CUL3: variants seen among roughly 807,000 people sequenced by gnomAD.
CUL3 encodes cullin 3.
Under a neutral mutation model 89.1 loss-of-function variants are expected in CUL3, and 19 were observed. That is an observed-to-expected ratio of 0.21 (90% CI 0.15 to 0.31). The LOEUF (loss-of-function observed/expected upper bound fraction) is 0.31, where lower values mean the gene tolerates loss of function less well. Among genes scored for constraint, CUL3 ranks in the 10% least tolerant of loss-of-function variants. CUL3 has a pLI of 1.00. For synonymous variants in CUL3, 351 were observed against 308.4 expected (o/e 1.14, Z -1.45); for missense variants, 469 against 942.3 (o/e 0.50, Z 6.58).
At chr2:224,580,505 G>A (rs888733157) in intron 1 of CUL3, among the ~76,000 whole-genome samples, 8 of 152,126 alleles carry the variant, frequency 5.3e-5, no homozygotes, top group Non-Finnish European at 1.0e-4. Context: ...CCAACATGGC[G>A]AAACCCCATC....
intron 1 of CUL3, among the ~76,000 whole-genome samples, chr2:224,577,391 AC>A (rs1695326537): frequency 6.6e-6 from 1 of 151,982 alleles, no homozygotes. Flanking sequence ...ACACGGTGAA[AC>A]CCCGTCTCTA....
chr2:224,536,697 TAA>T (rs1043802643), intron 2 of CUL3, among the ~76,000 whole-genome samples: 4 of 152,142 alleles, frequency 2.6e-5, no homozygotes, highest in Non-Finnish European at 5.9e-5. Flanking sequence ...CCAACCCTAA[TAA>T]AAGACTATTC....
chr2:224,528,433 T>C (rs547206105), intron 3 of CUL3, among the ~76,000 whole-genome samples: 1 of 152,322 alleles, frequency 6.6e-6, no homozygotes, highest in South Asian at 2.1e-4. Context: ...GATAATCTCA[T>C]CTAAAAATCC....
intron 3 of CUL3, among the ~76,000 whole-genome samples, chr2:224,535,085 T>C (rs1162356561): frequency 6.6e-6 from 1 of 151,902 alleles, no homozygotes; most frequent in Non-Finnish European, 1.5e-5. Flanking sequence ...TAGGCTTCGG[T>C]TGGCCCTTAC....
At position 224,510,171 on chromosome 2, in the gene CUL3, C is replaced by G. The variant is rs144453667; in HGVS notation, c.883+1183G>C. ...AACAAAAAAGCTTGCCAACCCCTGA[C>G]TTGGACCTCAATTTTAGAAAACACA... On this transcript the variant is annotated intron_variant, in intron 6 of 15. Coordinates refer to ENST00000264414, the MANE Select transcript of CUL3 (RefSeq NM_003590.5). 5.7e-4 allele frequency among the ~76,000 whole-genome samples: 85 copies of G among 149,018 alleles called. 1 individual carries two copies. In the East Asian group the frequency reaches 0.015, roughly 25 times the overall value.
intron 1 of CUL3, among the ~76,000 whole-genome samples, chr2:224,565,401 TGGA>T (rs1221333000): frequency 6.6e-6 from 1 of 152,030 alleles, no homozygotes; most frequent in East Asian, 1.9e-4. Flanking sequence ...GCACAAGAGA[TGGA>T]GGAGGGAGAG....
chr2:224,477,864 T>C, intron 15 of CUL3, among the ~76,000 whole-genome samples: 1 of 152,218 alleles, frequency 6.6e-6, no homozygotes, highest in East Asian at 1.9e-4. Context: ...ATTTGTAAAA[T>C]GAAAGCATTT....
chr2:224,541,267 A>C, intron 2 of CUL3, among the ~76,000 whole-genome samples: 1 of 152,208 alleles, frequency 6.6e-6, no homozygotes, highest in East Asian at 1.9e-4. Flanking sequence ...AAATAATTTA[A>C]AAATGAGCAA....
Position 224,470,770 on chromosome 2 carries a change from G to C in CUL3, c.*3475C>G, listed in dbSNP as rs562788492. ...CAAATAATGTAAAGCTAACAAAAAT[G>C]TGCAAAATTCCATATTGCAATGCTT... On this transcript the variant is annotated 3_prime_UTR_variant, in exon 16 of 16. Transcript: ENST00000264414. The C allele has an allele frequency of 1.7e-5, 4 of 231,680 alleles. No individual in the cohort carries two copies. In the East Asian group the frequency reaches 2.5e-4, roughly 14 times the overall value. 14.4% of individuals were successfully genotyped at this position (231,680 alleles called of 1,614,324 possible).
At chr2:224,525,855 TCA>T (rs1290224921) in intron 3 of CUL3, among the ~76,000 whole-genome samples, 2 of 152,246 alleles carry the variant, frequency 1.3e-5, no homozygotes, top group Admixed American at 1.3e-4. Flanking sequence ...CTGTTCACTT[TCA>T]GTTTTAAGAT....
chr2:224,584,288 AC>A (rs1341067103), intron 1 of CUL3, among the ~76,000 whole-genome samples: 1 of 149,198 alleles, frequency 6.7e-6, no homozygotes, highest in Non-Finnish European at 1.5e-5. Flanking sequence ...CTTCCCCCCC[AC>A]CCGGCCTTCC....
rs552047334 is a variant in CUL3, at chr2:224,485,468, T to A, written c.1843-3390A>T. On this transcript the variant is annotated intron_variant, in intron 13 of 15. Transcript: ENST00000264414. The surrounding 1 kb of genome is among the most constrained non-coding windows in gnomAD (Gnocchi z 4.1). ...GCGTCCACCATTCCTGAGGCTTGAGTAGGCGGTTTTCCCCTCACAGTGTAA... is the reference window on the plus strand; with the variant it reads ...GCGTCCACCATTCCTGAGGCTTGAGAAGGCGGTTTTCCCCTCACAGTGTAA... The A allele has an allele frequency of 6.6e-6, 1 of 152,338 alleles. No homozygotes were observed. Among genetic ancestry groups the A allele is most frequent in the East Asian group, 1.9e-4 (1 of 5,170 alleles). The allele number at this position is 152,338 out of a possible 1,614,324, so 9.4% of individuals were successfully genotyped here.
In CUL3 at chr2:224,535,595, G is replaced by A. The variant is rs768929186; in HGVS notation, c.311C>T (p.Thr104Met). Residue 104 changes from threonine to methionine, a missense_variant, in exon 3 of 16, where the codon ACG becomes ATG. Physicochemically the swap from Thr to Met is moderately conservative, Grantham distance 81 (BLOSUM62 -1). Coordinates refer to ENST00000264414, the MANE Select transcript of CUL3 (RefSeq NM_003590.5). ...LNSLNNNFLQ[T>M]LNQAWNDHQT... is the part of the protein sequence containing the mutation. Reference sequence around the variant, plus strand: ...ATGATCATTCCAAGCTTGATTTAGCGTTTGAAGAAAGTTGTTATTCAATGA... The same window carrying A: ...ATGATCATTCCAAGCTTGATTTAGCATTTGAAGAAAGTTGTTATTCAATGA... 71 of 1,612,934 alleles carry A rather than the reference G, an allele frequency of 4.4e-5. No individual in the cohort carries two copies. Among genetic ancestry groups the A allele is most frequent in the South Asian group, 5.5e-5 (5 of 90,956 alleles).
intron 1 of CUL3, 128 bp downstream of exon 1, chr2:224,584,816 G>T: frequency 2.0e-6 from 1 of 499,402 alleles, no homozygotes; most frequent in Non-Finnish European, 2.7e-6. Context: ...CTCGCGCCCC[G>T]CGGCCGGCGG....
intron 2 of CUL3, among the ~76,000 whole-genome samples, chr2:224,536,119 T>C (rs1214959737): frequency 6.6e-6 from 1 of 152,230 alleles, no homozygotes; most frequent in Non-Finnish European, 1.5e-5. Context: ...TGTGCCTCAG[T>C]TTCCTTATAT....
chr2:224,481,740 T>C (rs1691546149), intron 14 of CUL3, 152 bp downstream of exon 14: 1 of 478,186 alleles, frequency 2.1e-6, no homozygotes, highest in African/African-American at 2.0e-5. Flanking sequence ...TTGATACAAA[T>C]ACTTATCAAT....
intron 1 of CUL3, 34 bp downstream of exon 1, chr2:224,584,910 G>C: frequency 6.9e-7 from 1 of 1,442,934 alleles, no homozygotes; most frequent in Non-Finnish European, 9.2e-7. Flanking sequence ...CCGGCCCCCG[G>C]CCCCGGGGTC....
chr2:224,552,007 ACCT>A (rs1694532244), intron 2 of CUL3, among the ~76,000 whole-genome samples: 1 of 152,094 alleles, frequency 6.6e-6, no homozygotes, highest in Non-Finnish European at 1.5e-5. Context: ...ATACTTGTTT[ACCT>A]GTTTACTATC....
chr2:224,533,958 T>C (rs1228501486), intron 3 of CUL3, among the ~76,000 whole-genome samples: 1 of 152,122 alleles, frequency 6.6e-6, no homozygotes, highest in African/African-American at 2.4e-5. Flanking sequence ...TGGAAATTCT[T>C]CCCAAACATT....
Sources: gnomAD v4.1 joint callset for allele counts (sites outside exome capture counted in the v4.1 genomes callset) on GRCh38, gnomAD v4.1.1 for gene constraint, Gnocchi (gnomAD v3.1) non-coding constraint, MANE v1.5 for transcripts, NCBI Gene and HGNC (gene_info 2026-07-23, HGNC 2026-07-21) for gene names.